ERC1: variants seen among roughly 807,000 people sequenced by gnomAD.
ERC1 encodes ELKS/RAB6-interacting/CAST family member 1, also known as RAB6 interacting protein 2.
Under a neutral mutation model 132.0 loss-of-function variants are expected in ERC1, and 56 were observed. That is an observed-to-expected ratio of 0.42 (90% CI 0.34 to 0.53). ERC1 has a LOEUF of 0.53. Among genes scored for constraint, ERC1 ranks in the 20% least tolerant of loss-of-function variants. ERC1 has a pLI of 0.03. For synonymous variants in ERC1, 478 were observed against 476.1 expected, an observed-to-expected ratio of 1.00 and a Z score of -0.05; for missense variants, 1,202 against 1,349.9, an observed-to-expected ratio of 0.89 and a Z score of 1.72.
intron 8 of ERC1, among the ~76,000 whole-genome samples, chr12:1,145,187 T>C (rs1950236267): frequency 6.6e-6 from 1 of 152,080 alleles, no homozygotes; most frequent in South Asian, 2.1e-4. Context: ...CCACTAATTT[T>C]TGCATTTTTA....
intron 14 of ERC1, 144 bp from the exon 15 acceptor site, chr12:1,289,706 CAT>C: frequency 1.6e-6 from 1 of 613,666 alleles, no homozygotes. Context: ...TATACACACA[CAT>C]AACTGATCCA....
chr12:1,162,657 A>C (rs905805767), intron 8 of ERC1, among the ~76,000 whole-genome samples: 1 of 152,028 alleles, frequency 6.6e-6, no homozygotes, highest in Non-Finnish European at 1.5e-5. Context: ...ACAGGAGAGT[A>C]AGGTTGTTGT....
rs904000763 is a variant in ERC1 at position 1,297,935 on chromosome 12, A to G, written c.2780+7923A>G. On this transcript the variant is annotated intron_variant, in intron 15 of 18. Coordinates refer to ENST00000360905, the MANE Select transcript of ERC1 (RefSeq NM_178040.4). ...TTCTTACGTTCGTGAAGTAGAAAAT[A>G]TGAACTGTTGGCTGGGCATGGTGAC... 5.9e-5 allele frequency among the ~76,000 whole-genome samples: 9 copies of G among 152,218 alleles called. No individual in the cohort carries two copies. In the East Asian group the frequency reaches 1.7e-3, roughly 29 times the overall value.
chr12:1,061,025 C>T (rs1022946553), intron 2 of ERC1, among the ~76,000 whole-genome samples: 2 of 152,128 alleles, frequency 1.3e-5, no homozygotes, highest in African/African-American at 4.8e-5. Flanking sequence ...CCACGCCTGG[C>T]CACATGTGGG....
Position 1,255,678 on chromosome 12 carries a change from G to A in ERC1, c.2488-7356G>A, listed in dbSNP as rs189969603. On this transcript the variant is annotated intron_variant, in intron 13 of 18. Transcript: ENST00000360905. ...GACGGAGTCTCATTCTGTTGCCCAGGCTGGAGTGCAGTGGCGTGATCTCGG... is the reference window on the plus strand; with the variant it reads ...GACGGAGTCTCATTCTGTTGCCCAGACTGGAGTGCAGTGGCGTGATCTCGG... Among the ~76,000 whole-genome samples the A allele has an allele frequency of 3.3e-5, 4 of 122,806 alleles. No individual in the cohort carries two copies. In the Admixed American group the frequency reaches 4.1e-4, roughly 13 times the overall value. The allele number at this position is 122,806 out of a possible 152,430, so 80.6% of individuals were successfully genotyped here.
At chr12:1,007,621 A>G (rs898709321) in intron 1 of ERC1, among the ~76,000 whole-genome samples, 2 of 151,798 alleles carry the variant, frequency 1.3e-5, no homozygotes, top group Non-Finnish European at 1.5e-5. Context: ...AGAAGACTAA[A>G]GTGACTCCCA....
intron 7 of ERC1, among the ~76,000 whole-genome samples, chr12:1,128,928 A>T (rs1948472421): frequency 6.6e-6 from 1 of 152,154 alleles, no homozygotes; most frequent in African/African-American, 2.4e-5. Flanking sequence ...ATGAGCTATT[A>T]CCCAGCAAGC....
At chr12:1,481,747 A>G (rs1204998451) in intron 18 of ERC1, among the ~76,000 whole-genome samples, 1 of 152,170 alleles carries the variant, frequency 6.6e-6, no homozygotes, top group Non-Finnish European at 1.5e-5. Flanking sequence ...GACCCTGGAA[A>G]AGCGTAGCCT....
At position 1,297,021 on chromosome 12, in the gene ERC1, A is replaced by G. The variant is rs571697463; in HGVS notation, c.2780+7009A>G. Among the ~76,000 whole-genome samples the G allele has an allele frequency of 3.9e-5, 6 of 152,266 alleles. No homozygotes were observed. The South Asian group carries it at 1.2e-3, about 32-fold the overall frequency. On this transcript the variant is annotated intron_variant, in intron 15 of 18. Transcript: ENST00000360905. ...AGTGAAACCAAGCAGGATAAATACA[A>G]AAAATAAAAAAATCACAACTAGAAA...
chr12:1,117,821 C>T (rs536840544), intron 7 of ERC1, among the ~76,000 whole-genome samples: 2 of 152,154 alleles, frequency 1.3e-5, no homozygotes, highest in African/African-American at 2.4e-5. Flanking sequence ...AGATGATCTG[C>T]ATTTTCTTAC....
At chr12:1,376,378 A>G (rs962479009) in intron 16 of ERC1, among the ~76,000 whole-genome samples, 1 of 149,270 alleles carries the variant, frequency 6.7e-6, no homozygotes. Context: ...ATCCCATCTC[A>G]CTCGCCTTCG....
At chr12:1,072,782 T>C (rs1940640121) in intron 2 of ERC1, among the ~76,000 whole-genome samples, 1 of 152,190 alleles carries the variant, frequency 6.6e-6, no homozygotes, top group African/African-American at 2.4e-5. Context: ...AAGCTCTGCT[T>C]CCTGGGTTCA....
intron 8 of ERC1, among the ~76,000 whole-genome samples, chr12:1,173,700 C>T (rs897535159): frequency 6.6e-6 from 1 of 152,158 alleles, no homozygotes; most frequent in Non-Finnish European, 1.5e-5. Context: ...TCAGAGTAAA[C>T]AGCATTTATA....
chr12:1,440,393 A>T (rs1192558673), intron 17 of ERC1, among the ~76,000 whole-genome samples: 3 of 149,932 alleles, frequency 2.0e-5, no homozygotes, highest in Non-Finnish European at 3.0e-5. Flanking sequence ...TTTTTAGTAG[A>T]GACGGGGTTT....
At chr12:1,163,758 C>T (rs914416633) in intron 8 of ERC1, among the ~76,000 whole-genome samples, 3 of 152,154 alleles carry the variant, frequency 2.0e-5, no homozygotes, top group Non-Finnish European at 4.4e-5. Flanking sequence ...CTCTGTCACC[C>T]AGGCTGGAGT....
chr12:1,291,620 G>A (rs189602893), intron 15 of ERC1, among the ~76,000 whole-genome samples: 2 of 152,198 alleles, frequency 1.3e-5, no homozygotes, highest in Non-Finnish European at 2.9e-5. Flanking sequence ...GGAAAAGGTA[G>A]TTGGCCCATT....
intron 15 of ERC1, among the ~76,000 whole-genome samples, chr12:1,358,517 C>T (rs1416318645): frequency 6.6e-6 from 1 of 152,144 alleles, no homozygotes; most frequent in African/African-American, 2.4e-5. Context: ...TCTTTTAAAT[C>T]AGCTCGTCTT....
intron 2 of ERC1, among the ~76,000 whole-genome samples, chr12:1,054,684 G>A (rs987862960): frequency 1.3e-5 from 2 of 152,090 alleles, no homozygotes; most frequent in East Asian, 1.9e-4. Context: ...GGTGACCTTT[G>A]TTTCTACACA....
chr12:1,214,764 C>T (rs376441537), intron 12 of ERC1, among the ~76,000 whole-genome samples: 7 of 151,972 alleles, frequency 4.6e-5, no homozygotes, highest in South Asian at 2.1e-4. Flanking sequence ...CCAAATCTTA[C>T]GCTAAGCATT....
Sources: allele counts gnomAD v4.1 joint callset (sites outside exome capture counted in the v4.1 genomes callset), GRCh38; gene constraint gnomAD v4.1.1; transcripts MANE v1.5; gene names NCBI Gene and HGNC (gene_info 2026-07-23, HGNC 2026-07-21).